The following RASAL2 variants were observed in gnomAD, a reference collection of about 807,000 sequenced individuals.
The protein encoded by RASAL2 is RAS protein activator like 2.
A neutral mutation model predicts 128.9 loss-of-function variants in RASAL2; 58 were observed. The observed-to-expected ratio is 0.45, with a 90% CI of 0.36 to 0.56. RASAL2 has a LOEUF of 0.56. Among genes scored for constraint, RASAL2 ranks in the 20% least tolerant of loss-of-function variants. The pLI, the probability that RASAL2 is intolerant of heterozygous loss-of-function variation, is 0.00. For missense variants in RASAL2, 1,360 were observed against 1,601.6 expected (o/e 0.85, Z 2.57); for synonymous variants, 561 against 580.8 (o/e 0.97, Z 0.49).
intron 1 of RASAL2, among the ~76,000 whole-genome samples, chr1:178,277,002 G>C (rs1571762328): frequency 6.6e-6 from 1 of 151,822 alleles, no homozygotes; most frequent in South Asian, 2.1e-4. Context: ...GAAAAAATTA[G>C]CCAGGTGTGG....
chr1:178,396,355 C>T (rs1050302367), intron 4 of RASAL2, among the ~76,000 whole-genome samples: 1 of 152,076 alleles, frequency 6.6e-6, no homozygotes, highest in Non-Finnish European at 1.5e-5. Context: ...TATTTCTCCT[C>T]AGTTTTAATG....
intron 1 of RASAL2, among the ~76,000 whole-genome samples, chr1:178,255,620 T>C (rs914771610): frequency 1.3e-5 from 2 of 152,074 alleles, no homozygotes; most frequent in African/African-American, 2.4e-5. Flanking sequence ...GCAATTAAAT[T>C]AGAACAAATC....
chr1:178,457,401 G>T (rs1677851030), intron 13 of RASAL2, among the ~76,000 whole-genome samples: 1 of 152,210 alleles, frequency 6.6e-6, no homozygotes, highest in South Asian at 2.1e-4. Context: ...TTTGGGGAAG[G>T]TTTAAAACCT....
chr1:178,415,062 T>C (rs747891648), intron 4 of RASAL2, among the ~76,000 whole-genome samples: 1 of 152,122 alleles, frequency 6.6e-6, no homozygotes, highest in Non-Finnish European at 1.5e-5. Flanking sequence ...ATTTATTGTT[T>C]TCAATTTAAT....
chr1:178,297,908 G>A (rs371983554), intron 2 of RASAL2, among the ~76,000 whole-genome samples: 7 of 152,124 alleles, frequency 4.6e-5, no homozygotes, highest in East Asian at 1.9e-4. Flanking sequence ...TGGATATGGC[G>A]TTTATAAATT....
intron 1 of RASAL2, among the ~76,000 whole-genome samples, chr1:178,101,870 A>G (rs1228429579): frequency 1.3e-5 from 2 of 152,208 alleles, no homozygotes; most frequent in African/African-American, 4.8e-5. Flanking sequence ...AGTGAGAAAT[A>G]CCAGATTGTT....
chr1:178,251,555 A>G (rs1456753302), intron 1 of RASAL2, among the ~76,000 whole-genome samples: 1 of 152,212 alleles, frequency 6.6e-6, no homozygotes, highest in Admixed American at 6.5e-5. Flanking sequence ...GAGCTTTGGT[A>G]CTTTTTAAAG....
chr1:178,251,076 T>C (rs184593644), intron 1 of RASAL2, among the ~76,000 whole-genome samples: 69 of 152,324 alleles, frequency 4.5e-4, no homozygotes, highest in African/African-American at 1.6e-3. Flanking sequence ...TGTAGGAAAC[T>C]AAGAATCAGG....
intron 4 of RASAL2, chr1:178,411,780 T>G (rs972901862): frequency 4.4e-5 from 34 of 779,886 alleles, no homozygotes; most frequent in Middle Eastern, 2.3e-4. Context: ...CATGTGCTGC[T>G]TTTTTGGCTG....
chr1:178,387,235 C>G lies in RASAL2; in HGVS notation c.458-2865C>G, dbSNP rs140836527. On this transcript the variant is annotated intron_variant, in intron 3 of 17. Transcript: ENST00000367649. ...TGATTTAGCTTTACCTTATTTCTTC[C>G]CCTTCTTTCCCCTTTTTAGTGGAAA... 8.3e-4 allele frequency among the ~76,000 whole-genome samples: 127 copies of G among 152,180 alleles called. 1 individual carries two copies. Among genetic ancestry groups the G allele is most frequent in the African/African-American group, 2.9e-3 (120 of 41,532 alleles).
chr1:178,180,537 C>T (rs1662063956), intron 1 of RASAL2, among the ~76,000 whole-genome samples: 1 of 147,648 alleles, frequency 6.8e-6, no homozygotes, highest in Non-Finnish European at 1.5e-5. Flanking sequence ...AGTATGATGG[C>T]GCGCCTATAG....
intron 1 of RASAL2, among the ~76,000 whole-genome samples, chr1:178,260,213 C>T (rs913556008): frequency 1.3e-5 from 2 of 149,350 alleles, no homozygotes; most frequent in South Asian, 2.2e-4. Context: ...ATTAGCCGGG[C>T]GTGGTGGCTG....
intron 1 of RASAL2, among the ~76,000 whole-genome samples, chr1:178,238,064 TAGC>T (rs1385921755): frequency 6.6e-6 from 1 of 152,196 alleles, no homozygotes; most frequent in Admixed American, 6.5e-5. Context: ...AAATACCTAT[TAGC>T]AGGCAATTCC....
At chr1:178,286,479 C>T (rs892865522) in intron 2 of RASAL2, among the ~76,000 whole-genome samples, 15 of 152,090 alleles carry the variant, frequency 9.9e-5, no homozygotes, top group African/African-American at 3.6e-4. Context: ...GGTGCCATCT[C>T]GGCTCACTGC....
chr1:178,182,550 GTATC>G (rs753186259), intron 1 of RASAL2, among the ~76,000 whole-genome samples: 14 of 152,118 alleles, frequency 9.2e-5, no homozygotes, highest in Non-Finnish European at 1.8e-4. Context: ...GTGACCACCT[GTATC>G]TATATAAGCT....
At chr1:178,419,343 C>T (rs898743820) in intron 4 of RASAL2, among the ~76,000 whole-genome samples, 23 of 152,092 alleles carry the variant, frequency 1.5e-4, no homozygotes, top group African/African-American at 4.8e-4. Context: ...GTACAGTCAT[C>T]ACTTACTGCA....
Position 178,456,726 on chromosome 1 carries a change from C to A in RASAL2, c.2217C>A (p.Thr739=). Residue 739 remains threonine (T), a synonymous_variant, in exon 13 of 18, where the codon ACC becomes ACA. Transcript: ENST00000367649. ...GTGAAAATTCCTTCCTACAGGCGACCGTGGCAAAATTGGGGCCTCTCCCTC... is the reference window on the plus strand; with the variant it reads ...GTGAAAATTCCTTCCTACAGGCGACAGTGGCAAAATTGGGGCCTCTCCCTC... ...WEVVSQLDKA[T]VAKLGPLPRV... is the part of the protein sequence containing the mutation. 2 of 1,614,022 alleles carry A rather than the reference C, an allele frequency of 1.2e-6. No homozygotes were observed. The highest frequency in any genetic ancestry group is 1.7e-6 in the Non-Finnish European group (2 of 1,179,982).
At position 178,458,265 on chromosome 1, in the gene RASAL2, G is replaced by A. The variant is rs761320426; in HGVS notation, c.2973G>A (p.Val991=). The A allele has an allele frequency of 6.2e-7, 1 of 1,614,254 alleles. No homozygotes were observed. Among genetic ancestry groups the A allele is most frequent in the East Asian group, 2.2e-5 (1 of 44,888 alleles). The change falls in exon 14 of 18, where the codon GTG becomes GTA. Residue 991 remains valine (V), a synonymous_variant. Coordinates refer to ENST00000367649, the MANE Select transcript of RASAL2 (RefSeq NM_170692.4). ...QSEDFSRRHT[V]PDRHIPLALP... ...AGGACTTCTCCAGGCGGCACACGGT[G>A]CCAGATAGACACATACCTCTTGCTT...
intron 4 of RASAL2, among the ~76,000 whole-genome samples, chr1:178,393,848 A>G (rs930516054): frequency 3.3e-5 from 5 of 152,248 alleles, no homozygotes; most frequent in African/African-American, 9.6e-5. Flanking sequence ...TAAAATATGC[A>G]TGAATTATCA....
Sources: allele counts gnomAD v4.1 joint callset (sites outside exome capture counted in the v4.1 genomes callset), GRCh38; gene constraint gnomAD v4.1.1; transcripts MANE v1.5; gene names NCBI Gene and HGNC (gene_info 2026-07-23, HGNC 2026-07-21).